Variants in ATXN1 observed in about 807,000 individuals in gnomAD.
The protein encoded by ATXN1 is ataxin-1.
ATXN1 carries 8 observed loss-of-function variants against 56.4 expected under a neutral mutation model. The observed-to-expected ratio is 0.14, with a 90% confidence interval of 0.08 to 0.26. ATXN1 has a LOEUF of 0.26. ATXN1 is among the 10% of genes least tolerant of loss of function. The pLI, the probability that ATXN1 is intolerant of heterozygous loss-of-function variation, is 1.00. For missense variants in ATXN1, 987 were observed against 1,106.5 expected (o/e 0.89, Z 1.53); for synonymous variants, 514 against 494.6 (o/e 1.04, Z -0.52).
chr6:16,503,977 G>A (rs371776187), intron 5 of ATXN1, among the ~76,000 whole-genome samples: 2 of 152,056 alleles, frequency 1.3e-5, no homozygotes, highest in South Asian at 2.1e-4. Flanking sequence ...TTTAACATAC[G>A]TACATTTAAA....
In ATXN1 at chr6:16,328,940, A is replaced by G. The variant is rs1031885473; in HGVS notation, c.-160-470T>C. Among the ~76,000 whole-genome samples the G allele has an allele frequency of 1.3e-5, 2 of 152,022 alleles. No homozygotes were observed. The highest frequency in any genetic ancestry group is 2.9e-5 in the Non-Finnish European group (2 of 67,994). ...ACACTCTGTCTCCAAAAACGAAACAAAACAACAACAACAAAAACAAAAACA... is the reference window on the plus strand; with the variant it reads ...ACACTCTGTCTCCAAAAACGAAACAGAACAACAACAACAAAAACAAAAACA... On this transcript the variant is annotated intron_variant, in intron 6 of 7. Transcript: ENST00000436367. The surrounding 1 kb of genome is among the most constrained non-coding windows in gnomAD (Gnocchi z 6.2).
At chr6:16,338,366 G>A (rs543783982) in intron 6 of ATXN1, among the ~76,000 whole-genome samples, 9 of 152,200 alleles carry the variant, frequency 5.9e-5, no homozygotes, top group Non-Finnish European at 8.8e-5. Flanking sequence ...GGTGGCAGGC[G>A]CCTGTAGTCC....
rs574971282 is a variant in ATXN1 at position 16,597,553 on chromosome 6, C to T, written c.-488-11646G>A. On this transcript the variant is annotated intron_variant, in intron 3 of 7. Coordinates refer to ENST00000436367, the MANE Select transcript of ATXN1 (RefSeq NM_001128164.2). ...TCTCAGATTCTAGCGATTCTCCTGC[C>T]TCTGCCTCCCCAGTAGCTGGGCTTC... 5.9e-5 allele frequency among the ~76,000 whole-genome samples: 9 copies of T among 152,190 alleles called. No individual in the cohort carries two copies. The South Asian group carries it at 1.0e-3, about 18-fold the overall frequency.
At chr6:16,530,765 G>A (rs528724437) in intron 4 of ATXN1, among the ~76,000 whole-genome samples, 17 of 152,202 alleles carry the variant, frequency 1.1e-4, no homozygotes, top group African/African-American at 3.9e-4. Context: ...TAAGTTAAAT[G>A]AATAAAAAAA....
intron 7 of ATXN1, among the ~76,000 whole-genome samples, chr6:16,313,386 C>T (rs1485680534): frequency 6.6e-6 from 1 of 152,138 alleles, no homozygotes; most frequent in African/African-American, 2.4e-5. Flanking sequence ...GACTCTGTCT[C>T]TAAAAACCAA....
At chr6:16,624,354 GAAAAAA>G (rs58614013) in intron 3 of ATXN1, among the ~76,000 whole-genome samples, 3,012 of 109,262 alleles carry the variant, frequency 0.028, 41 homozygotes, top group Non-Finnish European at 0.043. Flanking sequence ...TTTGTCTCAA[GAAAAAA>G]AAAAAAAAAA....
intron 2 of ATXN1, among the ~76,000 whole-genome samples, chr6:16,710,941 A>G (rs1047193883): frequency 6.8e-6 from 1 of 147,024 alleles, no homozygotes; most frequent in Non-Finnish European, 1.5e-5. Flanking sequence ...CCAGGATGGA[A>G]TGCAATGCTG....
chr6:16,446,770 T>C (rs150033148), intron 6 of ATXN1, among the ~76,000 whole-genome samples: 3 of 152,276 alleles, frequency 2.0e-5, no homozygotes, highest in East Asian at 3.9e-4. Flanking sequence ...AACAAGTACA[T>C]AGTCTTAAAA....
At chr6:16,703,372 C>T (rs966882913) in intron 2 of ATXN1, among the ~76,000 whole-genome samples, 8 of 152,098 alleles carry the variant, frequency 5.3e-5, no homozygotes, top group Admixed American at 6.5e-5. Context: ...AGGAGATATA[C>T]CTAATGTAAA....
At chr6:16,516,067 C>T (rs1391566735) in intron 5 of ATXN1, among the ~76,000 whole-genome samples, 5 of 152,166 alleles carry the variant, frequency 3.3e-5, no homozygotes, top group African/African-American at 7.2e-5. Context: ...GGGGCTTTAG[C>T]GTAAGTTTAG....
At chr6:16,331,578 ATG>A (rs1357238049) in intron 6 of ATXN1, among the ~76,000 whole-genome samples, 3 of 152,168 alleles carry the variant, frequency 2.0e-5, no homozygotes, top group Non-Finnish European at 2.9e-5. Flanking sequence ...TGCAAGAGTG[ATG>A]TGTCAGAATG....
At chr6:16,491,662 T>C (rs1184362156) in intron 5 of ATXN1, among the ~76,000 whole-genome samples, 2 of 152,180 alleles carry the variant, frequency 1.3e-5, no homozygotes, top group Admixed American at 6.5e-5. Flanking sequence ...AAGATTGCCA[T>C]GTCCCCTGCC....
rs192208698 is a variant in ATXN1, at chr6:16,528,060, G to T, written c.-360-5372C>A. Among the ~76,000 whole-genome samples the T allele has an allele frequency of 6.2e-4, 94 of 152,092 alleles. 3 individuals carry two copies. In the East Asian group the frequency reaches 0.016, roughly 27 times the overall value. ...TCATGCCTGTAATCCCAGCACTTTC[G>T]GAGGCCAAGGCAGGAAGATCACTTG... On this transcript the variant is annotated intron_variant, in intron 4 of 7. Transcript: ENST00000436367.
chr6:16,552,516 T>C (rs1318497006), intron 4 of ATXN1, among the ~76,000 whole-genome samples: 1 of 152,360 alleles, frequency 6.6e-6, no homozygotes, highest in Admixed American at 6.5e-5. Flanking sequence ...GTGTAATTTA[T>C]CAGGTAGAGA....
At chr6:16,334,708 C>T (rs1324277428) in intron 6 of ATXN1, among the ~76,000 whole-genome samples, 1 of 152,120 alleles carries the variant, frequency 6.6e-6, no homozygotes, top group African/African-American at 2.4e-5. Flanking sequence ...TAAAGCAAGA[C>T]CCTGTCTCAA....
chr6:16,695,199 T>C (rs1196136554), intron 2 of ATXN1, among the ~76,000 whole-genome samples: 1 of 152,200 alleles, frequency 6.6e-6, no homozygotes, highest in Non-Finnish European at 1.5e-5. Context: ...TCACATACAC[T>C]GTTTCTCTGA....
At chr6:16,405,877 A>G (rs565405041) in intron 6 of ATXN1, among the ~76,000 whole-genome samples, 2 of 152,256 alleles carry the variant, frequency 1.3e-5, no homozygotes, top group Non-Finnish European at 1.5e-5. Flanking sequence ...GGGAAATGGA[A>G]AGAGGTGCTG....
intron 4 of ATXN1, among the ~76,000 whole-genome samples, chr6:16,582,054 T>G (rs998689975): frequency 6.6e-6 from 1 of 152,214 alleles, no homozygotes; most frequent in African/African-American, 2.4e-5. Context: ...GACAGTACGC[T>G]TCTCTCCTTA....
At chr6:16,312,640 C>G (rs1307079847) in intron 7 of ATXN1, among the ~76,000 whole-genome samples, 2 of 152,150 alleles carry the variant, frequency 1.3e-5, no homozygotes, top group Admixed American at 6.5e-5. Context: ...CACCTGAGGT[C>G]AGGAGTTAGA....
Sources: gnomAD v4.1 joint callset for allele counts (sites outside exome capture counted in the v4.1 genomes callset) on GRCh38, gnomAD v4.1.1 for gene constraint, Gnocchi (gnomAD v3.1) non-coding constraint, MANE v1.5 for transcripts, NCBI Gene and HGNC (gene_info 2026-07-23, HGNC 2026-07-21) for gene names.